The following SCARB1 variants were observed in gnomAD, a reference collection of about 807,000 sequenced individuals.
SCARB1 encodes the protein scavenger receptor class B member 1, also known as CD36 and LIMPII analogous 1.
Under a neutral mutation model 57.2 loss-of-function variants are expected in SCARB1, and 30 were observed. The ratio of observed to expected loss-of-function variants is 0.52; its 90% CI spans 0.39 to 0.71. SCARB1 has a LOEUF of 0.71. Ranked by LOEUF, SCARB1 falls within the 30% of genes least tolerant of loss-of-function variation. The pLI is 0.00. For missense variants in SCARB1, 543 were observed against 671.2 expected (o/e 0.81, Z 2.11); for synonymous variants, 249 against 268.3 (o/e 0.93, Z 0.70).
intron 1 of SCARB1, among the ~76,000 whole-genome samples, chr12:124,824,497 C>T (rs1951063910): frequency 6.6e-6 from 1 of 152,234 alleles, no homozygotes; most frequent in African/African-American, 2.4e-5. Flanking sequence ...CTAAACTGTA[C>T]ATTTGTAAAT....
At chr12:124,798,060 TGAATGG>T (rs1441149534) in intron 8 of SCARB1, among the ~76,000 whole-genome samples, 2 of 152,180 alleles carry the variant, frequency 1.3e-5, no homozygotes, top group Non-Finnish European at 2.9e-5. Context: ...CGTCAGTGAA[TGAATGG>T]GCAGCAGAAA....
chr12:124,817,674 T>C lies in SCARB1; in HGVS notation c.160A>G (p.Asn54Asp). ...GGGATAGGGATCTCCTTCCACATGT[T>C]GAAGGACAGGCTACTGGGGTCGATG... ...VRIDPSSLSF[N>D]MWKEIPIPFY... is the part of the protein sequence containing the mutation. The change falls in exon 2 of 13, where the codon AAC becomes GAC. Residue 54 changes from asparagine to aspartate, a missense_variant. Transcript: ENST00000261693. The surrounding 1 kb of genome is among the most constrained non-coding windows in gnomAD (Gnocchi z 4.8). The C allele has an allele frequency of 6.2e-7, 1 of 1,614,002 alleles. No homozygotes were observed. The highest frequency in any genetic ancestry group is 8.5e-7 in the Non-Finnish European group (1 of 1,179,860).
chr12:124,795,168 C>T (rs773752984), intron 9 of SCARB1, 27 bp downstream of exon 9: 2 of 1,586,950 alleles, frequency 1.3e-6, no homozygotes, highest in Middle Eastern at 1.7e-4. Flanking sequence ...ATGAGCAATG[C>T]AGCCCCAGCT....
At chr12:124,841,171 A>G (rs866400269) in intron 1 of SCARB1, among the ~76,000 whole-genome samples, 2 of 152,294 alleles carry the variant, frequency 1.3e-5, no homozygotes, top group African/African-American at 4.8e-5. Flanking sequence ...GGAGATTGAG[A>G]CCATGCTGGC....
intron 1 of SCARB1, among the ~76,000 whole-genome samples, chr12:124,833,743 C>T (rs959865203): frequency 1.3e-5 from 2 of 152,188 alleles, no homozygotes; most frequent in African/African-American, 4.8e-5. Flanking sequence ...AGGCAGGCTT[C>T]GCTAGAAACA....
rs577644378 is a variant in SCARB1, at chr12:124,791,376, G to T, written c.1202+3819C>A. Among the ~76,000 whole-genome samples, 4 of 152,240 alleles carry T rather than the reference G, an allele frequency of 2.6e-5. No individual in the cohort carries two copies. The South Asian group carries it at 8.3e-4, about 32-fold the overall frequency. ...GCCACTTACGAGCTCTGTGACCTTG[G>T]GCGTGCTACTGAGCCTGTGTCCCTT... On this transcript the variant is annotated intron_variant, in intron 9 of 12. Coordinates refer to ENST00000261693, the MANE Select transcript of SCARB1 (RefSeq NM_005505.5).
intron 9 of SCARB1, among the ~76,000 whole-genome samples, chr12:124,791,536 T>C (rs147282240): frequency 1.1e-4 from 17 of 152,346 alleles, no homozygotes; most frequent in African/African-American, 3.6e-4. Context: ...GTTGTTGTTA[T>C]AATTGTTAAA....
At chr12:124,779,036 G>A (rs1437333504) in intron 12 of SCARB1, among the ~76,000 whole-genome samples, 1 of 152,186 alleles carries the variant, frequency 6.6e-6, no homozygotes, top group African/African-American at 2.4e-5. Flanking sequence ...CCACGGCCTT[G>A]AACTCCTGGG....
intron 9 of SCARB1, among the ~76,000 whole-genome samples, chr12:124,790,556 TCAGACTC>T (rs539751216): frequency 2.6e-4 from 40 of 152,302 alleles, no homozygotes; most frequent in Admixed American, 7.8e-4. Context: ...CTTTCAGACT[TCAGACTC>T]CCAACACTGC....
Position 124,812,357 on chromosome 12 carries a change from T to C in SCARB1, c.631-392A>G, listed in dbSNP as rs943334515. ...ATGCTTTAAGGACTGTGCACACGCC[T>C]TTCACCGGGCTCTCTGCCGCTGCTA... On this transcript the variant is annotated intron_variant, in intron 4 of 12. Transcript: ENST00000261693. The surrounding 1 kb of genome is among the most constrained non-coding windows in gnomAD (Gnocchi z 4.3). 2.6e-5 allele frequency among the ~76,000 whole-genome samples: 4 copies of C among 152,152 alleles called. No homozygotes were observed. Among genetic ancestry groups the C allele is most frequent in the African/African-American group, 7.2e-5 (3 of 41,440 alleles).
chr12:124,817,619 A>G lies in SCARB1; in HGVS notation c.215T>C (p.Val72Ala), dbSNP rs765833333. Residue 72 changes from valine (V) to alanine (A), a missense_variant, in exon 2 of 13, where the codon GTC (valine) becomes GCC (alanine). Physicochemically the swap from Val to Ala is moderately conservative, Grantham distance 64 (BLOSUM62 0). Transcript: ENST00000261693. The surrounding 1 kb of genome is among the most constrained non-coding windows in gnomAD (Gnocchi z 4.8). Reference sequence around the variant, plus strand: ...CTTCAGGATCTCGCTGGGGTTCATGACGTCAAAGAAGTAGACGGAGAGATA... The same window carrying G: ...CTTCAGGATCTCGCTGGGGTTCATGGCGTCAAAGAAGTAGACGGAGAGATA... Reference protein sequence around the residue: ...PFYLSVYFFDVMNPSEILKGE... With the variant: ...PFYLSVYFFDAMNPSEILKGE... The G allele has an allele frequency of 6.2e-7, 1 of 1,614,182 alleles. No homozygotes were observed. The highest frequency in any genetic ancestry group is 1.1e-5 in the South Asian group (1 of 91,090).
At chr12:124,838,151 A>G (rs1951766976) in intron 1 of SCARB1, among the ~76,000 whole-genome samples, 1 of 152,214 alleles carries the variant, frequency 6.6e-6, no homozygotes, top group African/African-American at 2.4e-5. Flanking sequence ...TCTGTACAGA[A>G]AAGCATGCCA....
At chr12:124,795,522 T>C (rs139160428) in intron 8 of SCARB1, among the ~76,000 whole-genome samples, 1 of 152,338 alleles carries the variant, frequency 6.6e-6, no homozygotes, top group African/African-American at 2.4e-5. Context: ...CACACAGTTA[T>C]GTTCACAGCC....
chr12:124,853,833 C>T (rs1952525345), intron 1 of SCARB1, among the ~76,000 whole-genome samples: 1 of 152,164 alleles, frequency 6.6e-6, no homozygotes, highest in African/African-American at 2.4e-5. Context: ...CGGTCTGGGG[C>T]GACGGCCACG....
chr12:124,806,094 T>C (rs1950314675), intron 7 of SCARB1, among the ~76,000 whole-genome samples: 1 of 152,096 alleles, frequency 6.6e-6, no homozygotes, highest in African/African-American at 2.4e-5. Context: ...GTGACCGCAC[T>C]GGATGGTCTA....
Position 124,842,996 on chromosome 12 carries a change from G to A in SCARB1, c.126+20599C>T, listed in dbSNP as rs148213894. 3.9e-5 allele frequency among the ~76,000 whole-genome samples: 6 copies of A among 152,304 alleles called. No individual in the cohort carries two copies. The East Asian group carries it at 1.2e-3, about 29-fold the overall frequency. ...GGTCCCCCTCTGTGGACGCAAACAT[G>A]TTTATTGCAGGAAGGAAAAACAAGG... On this transcript the variant is annotated intron_variant, in intron 1 of 12. Transcript: ENST00000261693.
At chr12:124,853,798 C>T (rs1157327860) in intron 1 of SCARB1, among the ~76,000 whole-genome samples, 1 of 152,200 alleles carries the variant, frequency 6.6e-6, no homozygotes, top group African/African-American at 2.4e-5. Context: ...ACTCCAGCAT[C>T]CACTGGGAAA....
chr12:124,798,857 GA>G (rs1566156578), intron 8 of SCARB1, among the ~76,000 whole-genome samples: 1 of 147,090 alleles, frequency 6.8e-6, no homozygotes. Context: ...AAAAAAAAAA[GA>G]AAAAAAGTTG....
At chr12:124,832,797 A>G (rs879588331) in intron 1 of SCARB1, among the ~76,000 whole-genome samples, 28 of 152,240 alleles carry the variant, frequency 1.8e-4, no homozygotes, top group Non-Finnish European at 3.8e-4. Context: ...TATCATGTTA[A>G]TGACCTGGCT....
Sources: gnomAD v4.1 joint callset for allele counts (sites outside exome capture counted in the v4.1 genomes callset) on GRCh38, gnomAD v4.1.1 for gene constraint, Gnocchi (gnomAD v3.1) non-coding constraint, MANE v1.5 for transcripts, NCBI Gene and HGNC (gene_info 2026-07-23, HGNC 2026-07-21) for gene names.